PUM2: variants seen among roughly 807,000 people sequenced by gnomAD.
The protein encoded by PUM2 is pumilio RNA binding family member 2.
Under a neutral mutation model 124.5 loss-of-function variants are expected in PUM2, and 57 were observed. That is an observed-to-expected ratio of 0.46 (90% CI 0.37 to 0.57). The LOEUF (loss-of-function observed/expected upper bound fraction) is 0.57. PUM2 is among the 20% of genes least tolerant of loss of function. The probability of loss-of-function intolerance (pLI) is 0.00; values close to 1 mark genes in which losing one functional copy is unlikely to be tolerated. For missense variants in PUM2, 1,065 were observed against 1,290.6 expected (o/e 0.83, Z 2.68); for synonymous variants, 460 against 446.1 (o/e 1.03, Z -0.39).
chr2:20,314,706 T>C (rs1398709977), intron 3 of PUM2, among the ~76,000 whole-genome samples: 1 of 152,192 alleles, frequency 6.6e-6, no homozygotes, highest in African/African-American at 2.4e-5. Flanking sequence ...AGTATGTGCA[T>C]CCAGGAGATT....
intron 7 of PUM2, among the ~76,000 whole-genome samples, chr2:20,305,471 A>AG (rs1678020225): frequency 6.7e-6 from 1 of 148,800 alleles, no homozygotes; most frequent in Non-Finnish European, 1.5e-5. Flanking sequence ...TCGAAAAAAA[A>AG]AAAAAAAAAA....
intron 1 of PUM2, among the ~76,000 whole-genome samples, chr2:20,335,954 A>G (rs1317778652): frequency 2.0e-5 from 3 of 152,218 alleles, no homozygotes; most frequent in Non-Finnish European, 4.4e-5. Flanking sequence ...CTCCTCTTAT[A>G]AGGCATCCTC....
rs374862366 is a variant in PUM2 at position 20,253,834 on chromosome 2, T to C, written c.3051A>G (p.Ile1017Met). ...CATGCTGTATTACCTTGTGCATGAT[T>C]ATCTTTCTCTGAGCAGGTTCAGCCA... ...IDMAEPAQRK[I>M]IMHKIRPHIT... The change falls in exon 20 of 21, where the codon ATA becomes ATG. Residue 1017 changes from isoleucine to methionine, a missense_variant. Transcript: ENST00000361078. 6.2e-7 allele frequency: 1 copy of C among 1,612,172 alleles called. No homozygotes were observed. The highest frequency in any genetic ancestry group is 1.7e-5 in the Admixed American group (1 of 59,860).
At position 20,249,014 on chromosome 2, in the gene PUM2, CTG is replaced by C. The variant is rs1662651614; in HGVS notation, c.*2569_*2570del. Reference sequence around the variant, plus strand: ...TGGGGTGGGCACCCAAAATGGCAGACTGTAAAATTTCTACAAGAACAGGTACT... The same window carrying C: ...TGGGGTGGGCACCCAAAATGGCAGACTAAAATTTCTACAAGAACAGGTACT... On this transcript the variant is annotated 3_prime_UTR_variant, in exon 21 of 21. Transcript: ENST00000361078. The C allele has an allele frequency of 6.6e-6, 1 of 152,168 alleles. No homozygotes were observed. Among genetic ancestry groups the C allele is most frequent in the Admixed American group, 6.5e-5 (1 of 15,284 alleles). 9.4% of individuals were successfully genotyped at this position (152,168 alleles called of 1,614,324 possible).
In PUM2 at chr2:20,263,298, C is replaced by A. The variant is rs758622536; in HGVS notation, c.2120G>T (p.Arg707Leu). Reference sequence around the variant, plus strand: ...TCTGAAATCTTCCAATAATCTACTGCGGCCAGAAGGCATAATATCAGACCT... The same window carrying A: ...TCTGAAATCTTCCAATAATCTACTGAGGCCAGAAGGCATAATATCAGACCT... Reference protein sequence around the residue: ...YNRSDIMPSGRSRLLEDFRNN... With the variant: ...YNRSDIMPSGLSRLLEDFRNN... The change falls in exon 14 of 21, where the codon CGC (arginine) becomes CTC (leucine). Residue 707 changes from arginine (R) to leucine (L), a missense_variant. Physicochemically the swap from Arg to Leu is moderately radical, Grantham distance 102. Transcript: ENST00000361078. The A allele has an allele frequency of 6.2e-7, 1 of 1,613,676 alleles. No homozygotes were observed. Among genetic ancestry groups the A allele is most frequent in the Admixed American group, 1.7e-5 (1 of 60,000 alleles).
intron 9 of PUM2, among the ~76,000 whole-genome samples, chr2:20,293,955 T>C (rs1467054702): frequency 1.3e-5 from 2 of 152,116 alleles, no homozygotes; most frequent in East Asian, 3.8e-4. Context: ...GTGAAAATAT[T>C]TTATCATTTC....
chr2:20,258,413 A>G lies in PUM2; in HGVS notation c.2356-42T>C, dbSNP rs775523380. 3.8e-6 allele frequency: 6 copies of G among 1,593,388 alleles called. No individual in the cohort carries two copies. In the South Asian group the frequency reaches 5.6e-5, roughly 15 times the overall value. ...AACATTAATAACAAGTGACCTTAAT[A>G]TTGCTTTGTTGAACTTGAGTAAGGC... On this transcript the variant is annotated intron_variant, in intron 15 of 20. Coordinates refer to ENST00000361078, the MANE Select transcript of PUM2 (RefSeq NM_015317.5).
chr2:20,350,852 G>T, upstream of PUM2: 1 of 823,498 alleles, frequency 1.2e-6, no homozygotes, highest in Non-Finnish European at 1.5e-6. Flanking sequence ...CCTCCCCCCC[G>T]CCCACCGGGC....
At chr2:20,339,887 C>T (rs951247553) in intron 1 of PUM2, among the ~76,000 whole-genome samples, 1 of 151,954 alleles carries the variant, frequency 6.6e-6, no homozygotes, top group African/African-American at 2.4e-5. Context: ...GAGTGAAACT[C>T]CATCTCAAAA....
intron 14 of PUM2, 150 bp downstream of exon 14, chr2:20,263,043 A>C (rs1453155524): frequency 1.4e-6 from 1 of 711,314 alleles, no homozygotes; most frequent in Non-Finnish European, 2.2e-6. Context: ...ATTTATCCTA[A>C]CATGAAAGAA....
rs776627099 is a variant in PUM2 at position 20,260,432 on chromosome 2, C to A, written c.2260G>T (p.Ala754Ser). 8.1e-6 allele frequency: 13 copies of A among 1,609,736 alleles called. No homozygotes were observed. The highest frequency in any genetic ancestry group is 1.1e-5 in the Non-Finnish European group (13 of 1,176,396). Residue 754 changes from alanine to serine, a missense_variant, in exon 15 of 21, where the codon GCT (alanine) becomes TCT (serine). Transcript: ENST00000361078. ...IQQKLERATP[A>S]ERQMVFNEIL... ...TCATTAAATACCATCTGTCGCTCAGCTGGAGTAGCTCTCTCTAGTTTTTGC... is the reference window on the plus strand; with the variant it reads ...TCATTAAATACCATCTGTCGCTCAGATGGAGTAGCTCTCTCTAGTTTTTGC...
intron 14 of PUM2, among the ~76,000 whole-genome samples, chr2:20,261,982 C>G (rs1211887778): frequency 1.3e-5 from 2 of 152,066 alleles, no homozygotes; most frequent in Non-Finnish European, 2.9e-5. Context: ...GTAGTCCCAG[C>G]TATTCGGGAT....
At chr2:20,256,211 G>A (rs753851911) in intron 16 of PUM2, 41 bp from the exon 17 acceptor site, 110 of 1,527,668 alleles carry the variant, frequency 7.2e-5, no homozygotes, top group Non-Finnish European at 9.2e-5. Flanking sequence ...TACCTCAAAC[G>A]AGAAAATACT....
At chr2:20,323,136 T>C (rs1245577852) in intron 2 of PUM2, among the ~76,000 whole-genome samples, 7 of 152,076 alleles carry the variant, frequency 4.6e-5, no homozygotes, top group African/African-American at 1.7e-4. Context: ...TTCAGTTTCC[T>C]CATCTATAAA....
At chr2:20,311,332 C>A (rs1036174454) in intron 5 of PUM2, among the ~76,000 whole-genome samples, 162 bp downstream of exon 5, 3 of 152,014 alleles carry the variant, frequency 2.0e-5, no homozygotes, top group African/African-American at 7.2e-5. Context: ...GGTTCATAAT[C>A]ACAAATTTTC....
At chr2:20,276,588 T>C (rs1670321272) in intron 13 of PUM2, among the ~76,000 whole-genome samples, 1 of 152,140 alleles carries the variant, frequency 6.6e-6, no homozygotes, top group South Asian at 2.1e-4. Context: ...CCTTGAGACT[T>C]GATTCATAAA....
intron 5 of PUM2, 115 bp from the exon 6 acceptor site, chr2:20,308,699 T>C: frequency 9.8e-7 from 1 of 1,016,132 alleles, no homozygotes; most frequent in Non-Finnish European, 1.4e-6. Context: ...GAATAAGGCA[T>C]TCTGGGTCAC....
intron 13 of PUM2, among the ~76,000 whole-genome samples, chr2:20,269,200 AATAATT>A (rs1668453727): frequency 6.6e-6 from 1 of 151,610 alleles, no homozygotes; most frequent in Non-Finnish European, 1.5e-5. Flanking sequence ...TAATAATAAT[AATAATT>A]ATTATTATTT....
In PUM2 at chr2:20,257,535, T is replaced by C. The variant is rs143108479; in HGVS notation, c.2484+708A>G. Among the ~76,000 whole-genome samples the C allele has an allele frequency of 7.1e-3, 1,074 of 152,272 alleles. 18 individuals carry two copies. Among genetic ancestry groups the C allele is most frequent in the African/African-American group, 0.025 (1,037 of 41,570 alleles). ...TTGATTTGGGGCTATAAATTTCTTA[T>C]TAAAAGTCTGTTTAATCTTCTATAC... On this transcript the variant is annotated intron_variant, in intron 16 of 20. Coordinates refer to ENST00000361078, the MANE Select transcript of PUM2 (RefSeq NM_015317.5).
Sources: gnomAD v4.1 joint callset for allele counts (sites outside exome capture counted in the v4.1 genomes callset) on GRCh38, gnomAD v4.1.1 for gene constraint, MANE v1.5 for transcripts, NCBI Gene and HGNC (gene_info 2026-07-23, HGNC 2026-07-21) for gene names.